Variants in SMAD3 observed in about 807,000 individuals in gnomAD.
SMAD3 encodes the protein MAD homolog 3.
Under a neutral mutation model 51.8 loss-of-function variants are expected in SMAD3, and 12 were observed. The ratio of observed to expected loss-of-function variants is 0.23; its 90% CI spans 0.15 to 0.38. SMAD3 has a LOEUF of 0.38. Among genes scored for constraint, SMAD3 ranks in the 10% least tolerant of loss-of-function variants. The probability of loss-of-function intolerance (pLI) is 1.00; values close to 1 mark genes in which losing one functional copy is unlikely to be tolerated. For synonymous variants in SMAD3, 238 were observed against 227.7 expected (o/e 1.05, Z -0.41); for missense variants, 294 against 565.6 (o/e 0.52, Z 4.87).
At chr15:67,091,464 C>T (rs546385524) in intron 1 of SMAD3, among the ~76,000 whole-genome samples, 3 of 152,212 alleles carry the variant, frequency 2.0e-5, no homozygotes, top group South Asian at 2.1e-4. Flanking sequence ...GATAACCACC[C>T]GGTACTTTCA....
chr15:67,086,898 T>C (rs1960405890), intron 1 of SMAD3, among the ~76,000 whole-genome samples: 1 of 151,360 alleles, frequency 6.6e-6, no homozygotes. Context: ...CTTCTCCTTT[T>C]TTTTTTTTTT....
chr15:67,093,129 G>C (rs1336651453), intron 1 of SMAD3, among the ~76,000 whole-genome samples: 3 of 152,138 alleles, frequency 2.0e-5, no homozygotes, highest in Admixed American at 6.5e-5. Flanking sequence ...CTCATGTCTA[G>C]CCACTTGTTA....
At chr15:67,072,953 A>G (rs951224397) in intron 1 of SMAD3, among the ~76,000 whole-genome samples, 1 of 152,230 alleles carries the variant, frequency 6.6e-6, no homozygotes, top group African/African-American at 2.4e-5. Flanking sequence ...ATGCCGTACC[A>G]GGTGCTAATT....
At chr15:67,175,766 G>C (rs1962874286) in intron 5 of SMAD3, among the ~76,000 whole-genome samples, 1 of 152,202 alleles carries the variant, frequency 6.6e-6, no homozygotes, top group Non-Finnish European at 1.5e-5. Context: ...GTGGTGGCAG[G>C]GCGGCCCGAA....
intron 1 of SMAD3, among the ~76,000 whole-genome samples, chr15:67,084,011 A>G (rs1241875824): frequency 2.7e-5 from 4 of 150,642 alleles, no homozygotes; most frequent in African/African-American, 4.9e-5. Context: ...CAAAATGACA[A>G]GCTTGAAGGG....
chr15:67,181,471 T>TGGCCCCC lies in SMAD3; in HGVS notation c.871+18_871+19insGGCCCCC. The TGGCCCCC allele has an allele frequency of 1.3e-6, 2 of 1,521,092 alleles. No homozygotes were observed. Among genetic ancestry groups the TGGCCCCC allele is most frequent in the Non-Finnish European group, 1.8e-6 (2 of 1,132,004 alleles). 94.2% of individuals were successfully genotyped at this position (1,521,092 alleles called of 1,614,324 possible). On this transcript the variant is annotated intron_variant, in intron 6 of 8. Transcript: ENST00000327367. Reference sequence around the variant, plus strand: ...ACACATCGGTATGGGGTGGCTCCATTCCCCGCCCCCCCACCCTGCCCCTGC... The same window carrying TGGCCCCC: ...ACACATCGGTATGGGGTGGCTCCATTGGCCCCCCCCCGCCCCCCCACCCTGCCCCTGC...
At chr15:67,127,825 G>C (rs1440605351) in intron 1 of SMAD3, among the ~76,000 whole-genome samples, 1 of 152,228 alleles carries the variant, frequency 6.6e-6, no homozygotes, top group Non-Finnish European at 1.5e-5. Context: ...CAAGGCTAGA[G>C]TGGATGGCTA....
At chr15:67,162,148 AGT>A (rs1269976414) in intron 1 of SMAD3, among the ~76,000 whole-genome samples, 1 of 151,774 alleles carries the variant, frequency 6.6e-6, no homozygotes, top group African/African-American at 2.4e-5. Flanking sequence ...TGGCTTGGAG[AGT>A]GTGATTGGAT....
intron 5 of SMAD3, 31 bp downstream of exon 5, chr15:67,170,635 C>T (rs1056634702): frequency 3.8e-6 from 6 of 1,599,004 alleles, no homozygotes; most frequent in Admixed American, 1.7e-5. Flanking sequence ...ACAACTGGAA[C>T]CCCCTCTAGC....
At chr15:67,115,190 C>G (rs1961107481) in intron 1 of SMAD3, among the ~76,000 whole-genome samples, 1 of 152,152 alleles carries the variant, frequency 6.6e-6, no homozygotes, top group Non-Finnish European at 1.5e-5. Context: ...GAACTCATGC[C>G]ATGAGCACTT....
intron 5 of SMAD3, among the ~76,000 whole-genome samples, chr15:67,173,883 A>G (rs1962818015): frequency 6.6e-6 from 1 of 152,186 alleles, no homozygotes; most frequent in African/African-American, 2.4e-5. Context: ...GACCAGCGTT[A>G]AGTGGGATGA....
intron 1 of SMAD3, among the ~76,000 whole-genome samples, chr15:67,109,658 C>A (rs566555046): frequency 3.3e-5 from 5 of 152,166 alleles, no homozygotes; most frequent in African/African-American, 4.8e-5. Flanking sequence ...GAAGGAAAAG[C>A]GAGAGGGGGA....
intron 1 of SMAD3, among the ~76,000 whole-genome samples, chr15:67,066,960 C>T (rs1413013248): frequency 3.3e-5 from 5 of 152,166 alleles, no homozygotes; most frequent in African/African-American, 1.2e-4. Context: ...TCGGTTGTGC[C>T]AGTCTCCCGC....
chr15:67,119,671 G>A (rs1961215773), intron 1 of SMAD3, among the ~76,000 whole-genome samples: 1 of 152,234 alleles, frequency 6.6e-6, no homozygotes, highest in Non-Finnish European at 1.5e-5. Flanking sequence ...TATTTTGTAA[G>A]AAGCTTATAG....
chr15:67,117,128 C>A (rs944355291), intron 1 of SMAD3, among the ~76,000 whole-genome samples: 1 of 152,142 alleles, frequency 6.6e-6, no homozygotes, highest in African/African-American at 2.4e-5. Flanking sequence ...TCCTTGAGAT[C>A]TGGGGTCACG....
In SMAD3 at chr15:67,138,208, T is replaced by G. The variant is rs547031879; in HGVS notation, c.207-26687T>G. The G allele has an allele frequency of 7.4e-4, 621 of 842,534 alleles. 3 individuals carry two copies. In the African/African-American group the frequency reaches 8.3e-3, roughly 11 times the overall value. 52.2% of individuals were successfully genotyped at this position (842,534 alleles called of 1,614,324 possible). A position where few individuals can be genotyped will look rare whatever the true frequency, so the allele number is the denominator to read the frequency against. ...CTGTCAGAGTTTCTCCGGGCTTCTC[T>G]TTCTCTGGGTGGGGATGTGGACTCT... On this transcript the variant is annotated intron_variant, in intron 1 of 8. Coordinates refer to ENST00000327367, the MANE Select transcript of SMAD3 (RefSeq NM_005902.4).
intron 1 of SMAD3, among the ~76,000 whole-genome samples, chr15:67,074,745 A>G (rs1157164678): frequency 6.6e-6 from 1 of 152,126 alleles, no homozygotes; most frequent in Non-Finnish European, 1.5e-5. Context: ...GCTGGAGTGC[A>G]GTGGCGTGAT....
intron 1 of SMAD3, among the ~76,000 whole-genome samples, chr15:67,153,085 A>G (rs1016877956): frequency 3.9e-5 from 6 of 152,160 alleles, no homozygotes; most frequent in African/African-American, 1.4e-4. Flanking sequence ...CTCAGCATCA[A>G]AAATTTTTCA....
rs1347499620 is a variant in SMAD3 at position 67,193,507 on chromosome 15, C to T, written c.*2971C>T. ...CACATACGTAGGTAGCTACCCCAGC[C>T]GGTTTGGATTACAGGCCTGTGCTGG... On this transcript the variant is annotated 3_prime_UTR_variant, in exon 9 of 9. Coordinates refer to ENST00000327367, the MANE Select transcript of SMAD3 (RefSeq NM_005902.4). 2 of 233,834 alleles carry T rather than the reference C, an allele frequency of 8.6e-6. No homozygotes were observed. Among genetic ancestry groups the T allele is most frequent in the Non-Finnish European group, 8.5e-6 (1 of 118,054 alleles). 14.5% of individuals were successfully genotyped at this position (233,834 alleles called of 1,614,324 possible). A position where few individuals can be genotyped will look rare whatever the true frequency, so the allele number is the denominator to read the frequency against.
Sources: gnomAD v4.1 joint callset for allele counts (sites outside exome capture counted in the v4.1 genomes callset) on GRCh38, gnomAD v4.1.1 for gene constraint, MANE v1.5 for transcripts, NCBI Gene and HGNC (gene_info 2026-07-23, HGNC 2026-07-21) for gene names.